LRCH1: variants seen among roughly 807,000 people sequenced by gnomAD.
LRCH1 encodes the protein leucine-rich repeat and calponin homology domain-containing protein 1.
Under a neutral mutation model 94.9 loss-of-function variants are expected in LRCH1, and 23 were observed. The observed-to-expected ratio is 0.24, with a 90% CI of 0.17 to 0.34. LRCH1 has a LOEUF of 0.34. Ranked by LOEUF, LRCH1 falls within the 10% of genes least tolerant of loss-of-function variation. The pLI is 1.00. For synonymous variants in LRCH1, 364 were observed against 354.9 expected, an observed-to-expected ratio of 1.03 and a Z score of -0.29; for missense variants, 790 against 945.9, an observed-to-expected ratio of 0.84 and a Z score of 2.16.
At chr13:46,625,013 A>G (rs1457026617) in intron 1 of LRCH1, among the ~76,000 whole-genome samples, 1 of 152,204 alleles carries the variant, frequency 6.6e-6, no homozygotes, top group Non-Finnish European at 1.5e-5. Context: ...TTAACAGTCT[A>G]TTCAGCCTTA....
intron 1 of LRCH1, among the ~76,000 whole-genome samples, chr13:46,620,939 T>A (rs572055647): frequency 6.6e-6 from 1 of 152,288 alleles, no homozygotes; most frequent in South Asian, 2.1e-4. Context: ...TCTGACTGTG[T>A]TTAAGCTATT....
At chr13:46,576,979 C>A (rs1051593887) in intron 1 of LRCH1, among the ~76,000 whole-genome samples, 1 of 152,118 alleles carries the variant, frequency 6.6e-6, no homozygotes, top group Non-Finnish European at 1.5e-5. Context: ...TCCAAGCTTT[C>A]GAGGTTGTTG....
chr13:46,715,684 T>C lies in LRCH1; in HGVS notation c.1759+20T>C. On this transcript the variant is annotated intron_variant, in intron 16 of 19. Transcript: ENST00000389797. ...ACAATGGTAGGTGGCTTTGTACCTA[T>C]TCTCCAATGTTCTCATTAATAAGCC... The C allele has an allele frequency of 7.2e-7, 1 of 1,390,214 alleles. No individual in the cohort carries two copies. Among genetic ancestry groups the C allele is most frequent in the Non-Finnish European group, 9.9e-7 (1 of 1,012,778 alleles). 86.1% of individuals were successfully genotyped at this position (1,390,214 alleles called of 1,614,324 possible).
At chr13:46,658,850 G>C (rs2051409225) in intron 2 of LRCH1, among the ~76,000 whole-genome samples, 1 of 152,204 alleles carries the variant, frequency 6.6e-6, no homozygotes, top group Non-Finnish European at 1.5e-5. Context: ...TATTGTGTCA[G>C]AGAATATTAT....
chr13:46,682,361 A>G (rs968576947), intron 4 of LRCH1, among the ~76,000 whole-genome samples: 2 of 152,070 alleles, frequency 1.3e-5, no homozygotes, highest in Non-Finnish European at 2.9e-5. Context: ...AGCTGCCCTC[A>G]TGACCTCATT....
At chr13:46,602,622 A>G (rs1049872590) in intron 1 of LRCH1, among the ~76,000 whole-genome samples, 2 of 152,284 alleles carry the variant, frequency 1.3e-5, no homozygotes, top group Non-Finnish European at 2.9e-5. Context: ...AGTGCTCAAC[A>G]TTATTATTAT....
intron 18 of LRCH1, among the ~76,000 whole-genome samples, chr13:46,750,178 G>A (rs1223065599): frequency 6.6e-6 from 1 of 151,974 alleles, no homozygotes; most frequent in Admixed American, 6.6e-5. Flanking sequence ...ATGTGTCAGG[G>A]GCTATTTGCA....
At chr13:46,595,455 A>C (rs2050550603) in intron 1 of LRCH1, among the ~76,000 whole-genome samples, 1 of 152,174 alleles carries the variant, frequency 6.6e-6, no homozygotes, top group Non-Finnish European at 1.5e-5. Context: ...GGCAGGGCAC[A>C]GTTTTATATG....
chr13:46,750,960 C>T (rs544598876), exon 19 of LRCH1: 12 of 205,032 alleles, frequency 5.9e-5, no homozygotes, highest in Admixed American at 1.8e-4. Context: ...ATTACCAAAA[C>T]GCCAAGCACA....
intron 1 of LRCH1, among the ~76,000 whole-genome samples, chr13:46,606,683 C>T (rs1267781933): frequency 3.3e-5 from 5 of 152,234 alleles, no homozygotes; most frequent in East Asian, 1.9e-4. Flanking sequence ...GCTATTCTCC[C>T]GCCTCAGCCT....
intron 9 of LRCH1, among the ~76,000 whole-genome samples, chr13:46,696,176 G>GTGCA (rs1555284447): frequency 1.3e-5 from 2 of 149,058 alleles, no homozygotes; most frequent in Non-Finnish European, 3.0e-5. Flanking sequence ...CTGCACCCGC[G>GTGCA]TGCATGCATG....
At chr13:46,626,530 C>G (rs551948724) in intron 1 of LRCH1, among the ~76,000 whole-genome samples, 4 of 152,190 alleles carry the variant, frequency 2.6e-5, no homozygotes, top group Non-Finnish European at 5.9e-5. Flanking sequence ...CACTCCTGCC[C>G]GCAAAACATT....
At chr13:46,615,431 C>T (rs2138011405) in intron 1 of LRCH1, among the ~76,000 whole-genome samples, 1 of 152,160 alleles carries the variant, frequency 6.6e-6, no homozygotes, top group East Asian at 1.9e-4. Flanking sequence ...CATGAGTGAT[C>T]CGTCCCTGTG....
intron 1 of LRCH1, among the ~76,000 whole-genome samples, chr13:46,582,242 G>A (rs2050376692): frequency 6.6e-6 from 1 of 151,298 alleles, no homozygotes; most frequent in Non-Finnish European, 1.5e-5. Context: ...CCTGATTGCT[G>A]TTGCAGTAGG....
intron 1 of LRCH1, among the ~76,000 whole-genome samples, chr13:46,593,969 AG>A (rs1158679773): frequency 6.6e-6 from 1 of 152,172 alleles, no homozygotes; most frequent in Non-Finnish European, 1.5e-5. Flanking sequence ...ATAGAGTCTT[AG>A]GTCTATAGCC....
intron 1 of LRCH1, among the ~76,000 whole-genome samples, chr13:46,623,714 CT>C (rs1196177553): frequency 0.029 from 2,683 of 91,078 alleles, 66 homozygotes; most frequent in African/African-American, 0.1. Context: ...TTTTCTTTTT[CT>C]TTTTTTTTTA....
intron 1 of LRCH1, among the ~76,000 whole-genome samples, chr13:46,574,979 GTATC>G (rs1450703874): frequency 6.6e-6 from 1 of 152,028 alleles, no homozygotes. Flanking sequence ...TTTACATGAT[GTATC>G]TATAAGCACA....
At chr13:46,568,361 C>T (rs1230963443) in intron 1 of LRCH1, among the ~76,000 whole-genome samples, 2 of 152,186 alleles carry the variant, frequency 1.3e-5, no homozygotes, top group Admixed American at 1.3e-4. Context: ...TGGTAGATAA[C>T]ACCTTTTAAG....
At chr13:46,596,660 A>AC (rs1299047984) in intron 1 of LRCH1, among the ~76,000 whole-genome samples, 2 of 152,238 alleles carry the variant, frequency 1.3e-5, no homozygotes, top group Non-Finnish European at 2.9e-5. Context: ...GCATGAATAG[A>AC]CAAAGGGAAT....
Sources: allele counts gnomAD v4.1 joint callset (sites outside exome capture counted in the v4.1 genomes callset), GRCh38; gene constraint gnomAD v4.1.1; transcripts MANE v1.5; gene names NCBI Gene and HGNC (gene_info 2026-07-23, HGNC 2026-07-21).